Variants in CDH8 observed in about 807,000 individuals in gnomAD.
CDH8 encodes cadherin-8.
In CDH8, 17 loss-of-function variants were observed where a neutral mutation model predicts 68.1. The ratio of observed to expected loss-of-function variants is 0.25; its 90% CI spans 0.17 to 0.37. The LOEUF (loss-of-function observed/expected upper bound fraction) is 0.37, where lower values mean the gene tolerates loss of function less well. CDH8 is among the 10% of genes least tolerant of loss of function. The probability of loss-of-function intolerance (pLI) is 1.00; values close to 1 mark genes in which losing one functional copy is unlikely to be tolerated. For synonymous variants in CDH8, 372 were observed against 365.1 expected (o/e 1.02, Z -0.21); for missense variants, 763 against 999.3 (o/e 0.76, Z 3.19).
At chr16:61,748,292 T>C (rs899383439) in intron 8 of CDH8, among the ~76,000 whole-genome samples, 3 of 152,018 alleles carry the variant, frequency 2.0e-5, no homozygotes, top group Non-Finnish European at 1.5e-5. Flanking sequence ...GGCACCATGA[T>C]TTTAATTTTC....
chr16:61,661,203 G>A (rs139030922), intron 10 of CDH8, among the ~76,000 whole-genome samples: 8 of 151,924 alleles, frequency 5.3e-5, no homozygotes, highest in East Asian at 1.9e-4. Flanking sequence ...ATAAAACAAC[G>A]AGGCAGAAAT....
chr16:61,854,999 G>A (rs544724415), intron 4 of CDH8, among the ~76,000 whole-genome samples: 7 of 152,054 alleles, frequency 4.6e-5, no homozygotes, highest in South Asian at 2.1e-4. Context: ...GACTTTTATC[G>A]ATTATTGAAT....
chr16:61,968,478 C>T (rs1965289322), intron 2 of CDH8, among the ~76,000 whole-genome samples: 2 of 152,168 alleles, frequency 1.3e-5, no homozygotes, highest in Admixed American at 1.3e-4. Context: ...GCTGCAATCA[C>T]AATCCTCTCC....
chr16:61,744,171 A>G (rs992879241), intron 8 of CDH8, among the ~76,000 whole-genome samples: 1 of 152,110 alleles, frequency 6.6e-6, no homozygotes, highest in Non-Finnish European at 1.5e-5. Context: ...TAATCACGAT[A>G]TTCAAATGTT....
At chr16:61,707,031 C>G (rs996000407) in intron 10 of CDH8, among the ~76,000 whole-genome samples, 3 of 152,190 alleles carry the variant, frequency 2.0e-5, no homozygotes, top group Non-Finnish European at 4.4e-5. Context: ...TTCTCTTTCT[C>G]TTTCCTCCTT....
At chr16:61,702,124 G>A (rs778649004) in intron 10 of CDH8, among the ~76,000 whole-genome samples, 3 of 152,204 alleles carry the variant, frequency 2.0e-5, no homozygotes, top group Non-Finnish European at 4.4e-5. Flanking sequence ...TGTAATCTCA[G>A]CAGTTTGAGA....
intron 8 of CDH8, among the ~76,000 whole-genome samples, chr16:61,761,802 A>C (rs1960477554): frequency 6.6e-6 from 1 of 152,062 alleles, no homozygotes; most frequent in Non-Finnish European, 1.5e-5. Context: ...CAGGAGTTAA[A>C]GACCAGCCCG....
chr16:61,934,617 A>G (rs1034349063), intron 2 of CDH8, among the ~76,000 whole-genome samples: 1 of 152,178 alleles, frequency 6.6e-6, no homozygotes, highest in Non-Finnish European at 1.5e-5. Flanking sequence ...GTATGAAGCA[A>G]TTAATTAATG....
chr16:62,008,577 T>C (rs892331380), intron 2 of CDH8, among the ~76,000 whole-genome samples: 1 of 152,128 alleles, frequency 6.6e-6, no homozygotes, highest in Non-Finnish European at 1.5e-5. Flanking sequence ...TACAGCTCAC[T>C]GCAGCCTCCA....
chr16:61,718,369 AT>A (rs1432007557), intron 9 of CDH8, among the ~76,000 whole-genome samples: 2 of 151,446 alleles, frequency 1.3e-5, no homozygotes, highest in Non-Finnish European at 3.0e-5. Context: ...GGCTTCTAGA[AT>A]ATATGTCTAT....
chr16:61,661,633 A>C (rs1394867982), intron 10 of CDH8, among the ~76,000 whole-genome samples: 1 of 151,870 alleles, frequency 6.6e-6, no homozygotes, highest in African/African-American at 2.4e-5. Flanking sequence ...TCTGTATTAA[A>C]AAAGCAGAAA....
chr16:61,691,396 A>G (rs946336210), intron 10 of CDH8, among the ~76,000 whole-genome samples: 15 of 151,338 alleles, frequency 9.9e-5, no homozygotes, highest in Admixed American at 9.9e-4. Flanking sequence ...CTTGCATTAG[A>G]GTGCCACTAA....
chr16:61,709,733 T>TA (rs5817305), intron 10 of CDH8, among the ~76,000 whole-genome samples: 131 of 148,090 alleles, frequency 8.8e-4, no homozygotes, highest in East Asian at 3.8e-3. Flanking sequence ...ATAGAAAGGT[T>TA]AAAAAAAAAA....
At chr16:61,700,632 ATTTCCAT>A (rs79012289) in intron 10 of CDH8, among the ~76,000 whole-genome samples, 20,077 of 152,008 alleles carry the variant, frequency 0.13, 1,364 homozygotes, top group African/African-American at 0.17. Flanking sequence ...GGCTGTATTA[ATTTCCAT>A]TCCCAATAAC....
At chr16:61,850,009 G>A (rs79463411) in intron 4 of CDH8, among the ~76,000 whole-genome samples, 13 of 152,134 alleles carry the variant, frequency 8.5e-5, no homozygotes, top group South Asian at 2.1e-4. Context: ...TAAAAATTGC[G>A]TACTTAATGA....
chr16:61,918,556 AC>A (rs1278725302), intron 2 of CDH8: 1 of 152,798 alleles, frequency 6.5e-6, no homozygotes, highest in Non-Finnish European at 1.5e-5. Flanking sequence ...GGGGTGACAG[AC>A]GGCACCTGGA....
chr16:61,992,077 T>TGAGA (rs1555527811), intron 2 of CDH8, among the ~76,000 whole-genome samples: 1 of 144,242 alleles, frequency 6.9e-6, no homozygotes, highest in African/African-American at 2.6e-5. Flanking sequence ...TGTGTGTGTG[T>TGAGA]GAGAGAGAGA....
intron 10 of CDH8, among the ~76,000 whole-genome samples, chr16:61,699,616 C>G (rs1383856389): frequency 6.6e-6 from 1 of 151,818 alleles, no homozygotes; most frequent in East Asian, 1.9e-4. Flanking sequence ...GCCTTGTCAC[C>G]CAGGCTGGAG....
chr16:61,985,251 A>G (rs1597108784), intron 2 of CDH8, among the ~76,000 whole-genome samples: 1 of 152,218 alleles, frequency 6.6e-6, no homozygotes, highest in Non-Finnish European at 1.5e-5. Flanking sequence ...GCCATGAGAT[A>G]TTCTAGACCT....
Sources: gnomAD v4.1 joint callset for allele counts (sites outside exome capture counted in the v4.1 genomes callset) on GRCh38, gnomAD v4.1.1 for gene constraint, MANE v1.5 for transcripts, NCBI Gene and HGNC (gene_info 2026-07-23, HGNC 2026-07-21) for gene names.